The following PRKCE variants were observed in gnomAD, a reference collection of about 807,000 sequenced individuals.
The protein encoded by PRKCE is protein kinase C epsilon, also known as protein kinase C epsilon type.
A neutral mutation model predicts 85.4 loss-of-function variants in PRKCE; 16 were observed. The observed-to-expected ratio is 0.19, with a 90% CI of 0.13 to 0.28. PRKCE has a LOEUF of 0.28. Among genes scored for constraint, PRKCE ranks in the 10% least tolerant of loss-of-function variants. PRKCE has a pLI of 1.00. For synonymous variants in PRKCE, 388 were observed against 371.5 expected (o/e 1.04, Z -0.51); for missense variants, 573 against 975.2 (o/e 0.59, Z 5.49).
intron 1 of PRKCE, among the ~76,000 whole-genome samples, chr2:45,731,526 A>T (rs553771654): frequency 1.3e-5 from 2 of 152,300 alleles, no homozygotes; most frequent in African/African-American, 4.8e-5. Context: ...ACATGAGAGA[A>T]AGAGACTCAG....
chr2:45,651,967 G>A lies in PRKCE; in HGVS notation c.-134G>A, dbSNP rs11889760. On this transcript the variant is annotated 5_prime_UTR_variant, in exon 1 of 15. Transcript: ENST00000306156. ...CCCGCGCCAGGGCGCAACGCCACAA[G>A]GTGTAGGGAGTGTGCGGGGTGGGGC... 1,824 of 693,018 alleles carry A rather than the reference G, an allele frequency of 2.6e-3. 19 individuals are homozygous for A. The African/African-American group carries it at 0.029, about 11-fold the overall frequency. 42.9% of individuals were successfully genotyped at this position (693,018 alleles called of 1,614,324 possible). A position where few individuals can be genotyped will look rare whatever the true frequency, so the allele number is the denominator to read the frequency against.
intron 2 of PRKCE, among the ~76,000 whole-genome samples, chr2:45,917,043 G>A (rs1697844575): frequency 1.3e-5 from 2 of 152,118 alleles, no homozygotes; most frequent in Admixed American, 6.5e-5. Flanking sequence ...AGTGTGGAAG[G>A]GGACTCCAGC....
intron 11 of PRKCE, among the ~76,000 whole-genome samples, chr2:46,144,676 T>G (rs536767754): frequency 1.1e-4 from 16 of 152,148 alleles, no homozygotes; most frequent in African/African-American, 3.6e-4. Flanking sequence ...GTTTTAACCG[T>G]TTCGTTGATG....
intron 11 of PRKCE, among the ~76,000 whole-genome samples, chr2:46,093,250 C>T (rs1284951109): frequency 6.6e-6 from 1 of 152,156 alleles, no homozygotes; most frequent in African/African-American, 2.4e-5. Context: ...CCATCTCCTT[C>T]GTTTTATAGG....
intron 1 of PRKCE, among the ~76,000 whole-genome samples, chr2:45,708,857 G>A (rs956138957): frequency 2.0e-5 from 3 of 152,158 alleles, no homozygotes; most frequent in African/African-American, 7.2e-5. Context: ...GGTCTTGGGG[G>A]CCATGTGTTG....
chr2:45,654,125 T>G (rs570804749), intron 1 of PRKCE, among the ~76,000 whole-genome samples: 1 of 152,248 alleles, frequency 6.6e-6, no homozygotes, highest in Non-Finnish European at 1.5e-5. Flanking sequence ...TGGGAGCCTT[T>G]TGCAGTGTAT....
intron 10 of PRKCE, among the ~76,000 whole-genome samples, chr2:46,037,605 A>C (rs1203107495): frequency 6.6e-6 from 1 of 152,212 alleles, no homozygotes; most frequent in African/African-American, 2.4e-5. Flanking sequence ...AAACATACCC[A>C]AGCCATTATC....
At chr2:46,007,847 A>G (rs535264550) in intron 9 of PRKCE, among the ~76,000 whole-genome samples, 186 bp downstream of exon 9, 1 of 152,360 alleles carries the variant, frequency 6.6e-6, no homozygotes, top group South Asian at 2.1e-4. Context: ...TTAATTGGCT[A>G]TATGAGACTT....
intron 1 of PRKCE, among the ~76,000 whole-genome samples, chr2:45,716,630 GAGAAGAAGAAGA>G (rs139135622): frequency 3.4e-5 from 5 of 146,302 alleles, no homozygotes; most frequent in African/African-American, 1.0e-4. Flanking sequence ...GAAGGAGAAG[GAGAAGAAGAAGA>G]AGAAGAAGAA....
chr2:46,049,315 G>A (rs1708717184), intron 10 of PRKCE, among the ~76,000 whole-genome samples: 1 of 152,120 alleles, frequency 6.6e-6, no homozygotes, highest in African/African-American at 2.4e-5. Flanking sequence ...CACCTCACTG[G>A]ATTAGTGCTG....
rs11291175 is a variant in PRKCE, at chr2:45,940,904, CAA to C, written c.413-35514_413-35513del. Among the ~76,000 whole-genome samples, 144 of 146,076 alleles carry C rather than the reference CAA, an allele frequency of 9.9e-4. 1 individual carries two copies. Among genetic ancestry groups the C allele is most frequent in the South Asian group, 2.7e-3 (12 of 4,496 alleles). Reference sequence around the variant, plus strand: ...TGAAACCCCATCTCTATTAAAAATACAAAAAAAAAAAATTAGCCAGGCATGGT... The same window carrying C: ...TGAAACCCCATCTCTATTAAAAATACAAAAAAAAAATTAGCCAGGCATGGT... On this transcript the variant is annotated intron_variant, in intron 2 of 14. Transcript: ENST00000306156.
chr2:45,982,799 A>T (rs760517120), intron 5 of PRKCE, among the ~76,000 whole-genome samples: 1 of 152,094 alleles, frequency 6.6e-6, no homozygotes, highest in Non-Finnish European at 1.5e-5. Flanking sequence ...GTCCCAACTG[A>T]GGGTCACGTA....
At chr2:45,670,251 T>A (rs373051109) in intron 1 of PRKCE, among the ~76,000 whole-genome samples, 18 of 152,280 alleles carry the variant, frequency 1.2e-4, no homozygotes, top group African/African-American at 4.1e-4. Context: ...GTTAAGAACC[T>A]TTAGGGTTTA....
At chr2:45,714,656 A>C (rs576021258) in intron 1 of PRKCE, among the ~76,000 whole-genome samples, 2 of 152,222 alleles carry the variant, frequency 1.3e-5, no homozygotes, top group Admixed American at 6.5e-5. Flanking sequence ...CCAGCACTAC[A>C]ATCCTGTTAA....
At chr2:45,693,098 T>A (rs1677867049) in intron 1 of PRKCE, among the ~76,000 whole-genome samples, 1 of 151,854 alleles carries the variant, frequency 6.6e-6, no homozygotes, top group Non-Finnish European at 1.5e-5. Flanking sequence ...CAGGAACAGA[T>A]CCTGAGGAGT....
Position 46,159,485 on chromosome 2 carries a change from C to T in PRKCE, c.1921-121C>T, listed in dbSNP as rs1677546729. The stretch of plus-strand genomic sequence containing the variant: ...CCAACAGATGTGGCCCTTGAAAGTG[C>T]AAAGAACAGACTTGGGAGGCGATGC... On this transcript the variant is annotated intron_variant, in intron 13 of 14. Coordinates refer to ENST00000306156, the MANE Select transcript of PRKCE (RefSeq NM_005400.3). This position sits in a 1 kb window ranked among gnomAD's most constrained non-coding sequence, Gnocchi z 4.1. The T allele has an allele frequency of 9.2e-7, 1 of 1,081,210 alleles. No individual in the cohort carries two copies. Among genetic ancestry groups the T allele is most frequent in the Non-Finnish European group, 1.3e-6 (1 of 772,674 alleles). 67.0% of individuals were successfully genotyped at this position (1,081,210 alleles called of 1,614,324 possible).
chr2:45,929,090 G>A (rs555308922), intron 2 of PRKCE, among the ~76,000 whole-genome samples: 3 of 152,128 alleles, frequency 2.0e-5, no homozygotes, highest in East Asian at 1.9e-4. Flanking sequence ...ACTTCATCTC[G>A]AGAGCTCTCT....
chr2:46,039,936 T>C (rs1708123789), intron 10 of PRKCE, among the ~76,000 whole-genome samples: 1 of 152,184 alleles, frequency 6.6e-6, no homozygotes, highest in Admixed American at 6.5e-5. Flanking sequence ...CTGGGATGGA[T>C]TGTGGTTGTG....
rs905313070 is a variant in PRKCE at position 45,991,065 on chromosome 2, G to A, written c.823+6385G>A. ...TTTGTCACCCAGGCTGGAGTGCAGC[G>A]GTGCAATCTCAGCTCACTGCAACCT... On this transcript the variant is annotated intron_variant, in intron 6 of 14. Transcript: ENST00000306156. 1.3e-4 allele frequency among the ~76,000 whole-genome samples: 20 copies of A among 150,186 alleles called. 1 individual carries two copies. The highest frequency in any genetic ancestry group is 2.1e-4 in the South Asian group (1 of 4,746).
Sources: gnomAD v4.1 joint callset for allele counts (sites outside exome capture counted in the v4.1 genomes callset) on GRCh38, gnomAD v4.1.1 for gene constraint, Gnocchi (gnomAD v3.1) non-coding constraint, MANE v1.5 for transcripts, NCBI Gene and HGNC (gene_info 2026-07-23, HGNC 2026-07-21) for gene names.